The following SSH2 variants were observed in gnomAD, a reference collection of about 807,000 sequenced individuals.
SSH2 encodes the protein slingshot protein phosphatase 2.
A neutral mutation model predicts 135.2 loss-of-function variants in SSH2; 37 were observed. The ratio of observed to expected loss-of-function variants is 0.27; its 90% CI spans 0.21 to 0.36. The LOEUF (loss-of-function observed/expected upper bound fraction) is 0.36, where lower values mean the gene tolerates loss of function less well. Ranked by LOEUF, SSH2 falls within the 10% of genes least tolerant of loss-of-function variation. The probability of loss-of-function intolerance (pLI) is 1.00; values close to 1 mark genes in which losing one functional copy is unlikely to be tolerated. For synonymous variants in SSH2, 628 were observed against 646.2 expected, an observed-to-expected ratio of 0.97 and a Z score of 0.43; for missense variants, 1,408 against 1,765.3, an observed-to-expected ratio of 0.80 and a Z score of 3.63.
intron 3 of SSH2, among the ~76,000 whole-genome samples, chr17:29,770,378 G>A (rs556248669): frequency 6.6e-6 from 1 of 151,840 alleles, no homozygotes; most frequent in East Asian, 1.9e-4. Flanking sequence ...CCAAGTGCTG[G>A]GATTACAGGC....
Position 29,904,366 on chromosome 17 carries a change from C to T in SSH2, c.63+25572G>A, listed in dbSNP as rs557606704. Among the ~76,000 whole-genome samples, 15 of 152,214 alleles carry T rather than the reference C, an allele frequency of 9.9e-5. No individual in the cohort carries two copies. In the East Asian group the frequency reaches 1.3e-3, roughly 14 times the overall value. ...TTCAACATATGTGAATCAATAAATG[C>T]GACTCATCACATAAACAGAACTAAA... On this transcript the variant is annotated intron_variant, in intron 1 of 15. Transcript: ENST00000540801.
At chr17:29,710,229 A>G (rs2039385257) in intron 3 of SSH2, among the ~76,000 whole-genome samples, 1 of 152,210 alleles carries the variant, frequency 6.6e-6, no homozygotes, top group African/African-American at 2.4e-5. Flanking sequence ...GAAATGGCTC[A>G]TTTACTATGA....
At chr17:29,711,789 A>G (rs1183251106) in intron 3 of SSH2, among the ~76,000 whole-genome samples, 1 of 152,120 alleles carries the variant, frequency 6.6e-6, no homozygotes, top group Non-Finnish European at 1.5e-5. Flanking sequence ...ATACCCCATT[A>G]TTCGTACTGC....
intron 1 of SSH2, among the ~76,000 whole-genome samples, chr17:29,879,933 A>G (rs2066105728): frequency 6.6e-6 from 1 of 152,250 alleles, no homozygotes. Flanking sequence ...AAAACATAAA[A>G]GATGTTTTCA....
At chr17:29,812,527 T>C (rs1256843861) in intron 2 of SSH2, among the ~76,000 whole-genome samples, 1 of 152,176 alleles carries the variant, frequency 6.6e-6, no homozygotes, top group Non-Finnish European at 1.5e-5. Context: ...CAAGCGATCC[T>C]CCTGCCTTGG....
intron 3 of SSH2, among the ~76,000 whole-genome samples, chr17:29,718,677 A>G (rs1026267846): frequency 6.7e-6 from 1 of 149,494 alleles, no homozygotes; most frequent in African/African-American, 2.5e-5. Context: ...AGCTTGCAGT[A>G]AGCCAAGATC....
chr17:29,829,465 T>C (rs1265443263), intron 2 of SSH2, among the ~76,000 whole-genome samples: 1 of 124,250 alleles, frequency 8.0e-6, no homozygotes, highest in African/African-American at 3.9e-5. Flanking sequence ...GTCGATGGCT[T>C]GTGTGTGTGT....
chr17:29,708,617 A>G (rs2039309640), intron 3 of SSH2, among the ~76,000 whole-genome samples: 1 of 151,264 alleles, frequency 6.6e-6, no homozygotes, highest in Non-Finnish European at 1.5e-5. Flanking sequence ...ACAAACAAAA[A>G]AACCGGTTCT....
chr17:29,716,684 GT>G, intron 3 of SSH2: 2 of 629,216 alleles, frequency 3.2e-6, no homozygotes, highest in East Asian at 3.7e-5. Flanking sequence ...CTTTGTGTTT[GT>G]TTTTGGTGAA....
chr17:29,739,230 T>C (rs1324755814), intron 3 of SSH2, among the ~76,000 whole-genome samples: 2 of 152,130 alleles, frequency 1.3e-5, no homozygotes, highest in Admixed American at 6.6e-5. Context: ...GTAGCAGAGT[T>C]CGAACCGAAT....
At chr17:29,791,917 C>CTT (rs36064413) in intron 3 of SSH2, among the ~76,000 whole-genome samples, 59 of 128,320 alleles carry the variant, frequency 4.6e-4, no homozygotes, top group East Asian at 6.6e-4. Flanking sequence ...TCTTCTTCCT[C>CTT]TTTTTTTTTT....
chr17:29,630,761 T>C lies in SSH2; in HGVS notation c.*80A>G, dbSNP rs1389319425. 1.4e-6 allele frequency: 2 copies of C among 1,399,344 alleles called. No homozygotes were observed. The highest frequency in any genetic ancestry group is 1.9e-6 in the Non-Finnish European group (2 of 1,034,884). 86.7% of individuals were successfully genotyped at this position (1,399,344 alleles called of 1,614,324 possible). On this transcript the variant is annotated 3_prime_UTR_variant, in exon 16 of 16. Transcript: ENST00000540801. ...ACCAAAATATTATAAAATTAACCAA[T>C]AAAGTGCATGTTCCTTACATATTAC... is the stretch of plus-strand genomic sequence containing the variant.
intron 11 of SSH2, among the ~76,000 whole-genome samples, chr17:29,658,543 T>A (rs1402120215): frequency 6.6e-6 from 1 of 152,074 alleles, no homozygotes; most frequent in African/African-American, 2.4e-5. Flanking sequence ...TACAAAACTT[T>A]TATGTGATTA....
At chr17:29,925,358 G>A (rs987514266) in intron 1 of SSH2, 1 of 392,862 alleles carries the variant, frequency 2.5e-6, no homozygotes, top group Admixed American at 4.4e-5. Flanking sequence ...TTAGACAGGA[G>A]GAGTAAGTTA....
At chr17:29,759,576 C>T (rs1839131096) in intron 3 of SSH2, among the ~76,000 whole-genome samples, 2 of 152,132 alleles carry the variant, frequency 1.3e-5, no homozygotes, top group Non-Finnish European at 2.9e-5. Flanking sequence ...ATTTCCTACC[C>T]CTTCTCCTTC....
At chr17:29,810,151 C>T (rs2151325008) in intron 2 of SSH2, among the ~76,000 whole-genome samples, 1 of 152,308 alleles carries the variant, frequency 6.6e-6, no homozygotes, top group African/African-American at 2.4e-5. Flanking sequence ...GATTCTCCAA[C>T]CAAGGTGCCC....
intron 14 of SSH2, among the ~76,000 whole-genome samples, chr17:29,637,334 A>G (rs763274546): frequency 5.9e-5 from 9 of 152,082 alleles, no homozygotes; most frequent in Non-Finnish European, 1.3e-4. Flanking sequence ...TCTGACCTCG[A>G]GTGATATGCC....
intron 3 of SSH2, among the ~76,000 whole-genome samples, chr17:29,730,513 G>A (rs952421977): frequency 2.7e-5 from 4 of 149,936 alleles, no homozygotes; most frequent in African/African-American, 7.4e-5. Context: ...ACCACTCACT[G>A]TAGCCTTGAC....
intron 1 of SSH2, among the ~76,000 whole-genome samples, chr17:29,876,611 A>G: frequency 6.6e-6 from 1 of 151,930 alleles, no homozygotes; most frequent in Non-Finnish European, 1.5e-5. Context: ...TCAAGAACAT[A>G]CATTGGGGAA....
Sources: gnomAD v4.1 joint callset for allele counts (sites outside exome capture counted in the v4.1 genomes callset) on GRCh38, gnomAD v4.1.1 for gene constraint, MANE v1.5 for transcripts, NCBI Gene and HGNC (gene_info 2026-07-23, HGNC 2026-07-21) for gene names.